The following CABIN1 variants were observed in gnomAD, a reference collection of about 807,000 sequenced individuals.
CABIN1 encodes calcineurin-binding protein cabin-1.
A neutral mutation model predicts 227.7 loss-of-function variants in CABIN1; 133 were observed. That is an observed-to-expected ratio of 0.58 (90% confidence interval 0.51 to 0.67). The LOEUF (loss-of-function observed/expected upper bound fraction) is 0.67. Ranked by LOEUF, CABIN1 falls within the 30% of genes least tolerant of loss-of-function variation. The pLI is 0.00. For synonymous variants in CABIN1, 1,086 were observed against 1,155.1 expected (o/e 0.94, Z 1.21); for missense variants, 2,408 against 2,852.5 (o/e 0.84, Z 3.55).
At chr22:24,085,918 C>T (rs573243918) in intron 22 of CABIN1, among the ~76,000 whole-genome samples, 2 of 152,160 alleles carry the variant, frequency 1.3e-5, no homozygotes, top group Non-Finnish European at 2.9e-5. Context: ...ACTCAGAGGC[C>T]AGGCTGTGAT....
At chr22:24,128,307 G>A (rs2043862155) in intron 28 of CABIN1, among the ~76,000 whole-genome samples, 2 of 131,122 alleles carry the variant, frequency 1.5e-5, no homozygotes, top group South Asian at 2.9e-4. Flanking sequence ...GGGGCGGGGG[G>A]AGGGTGGGCA....
chr22:24,137,434 G>T (rs1047864943), intron 29 of CABIN1, among the ~76,000 whole-genome samples: 1 of 152,204 alleles, frequency 6.6e-6, no homozygotes, highest in Non-Finnish European at 1.5e-5. Flanking sequence ...GAGGTTGTGT[G>T]CCTGTGGGAG....
At chr22:24,017,618 A>C (rs1185777341) in intron 1 of CABIN1, among the ~76,000 whole-genome samples, 4 of 152,154 alleles carry the variant, frequency 2.6e-5, no homozygotes, top group Non-Finnish European at 4.4e-5. Context: ...ACTTACTGTA[A>C]TGTCTTCAAG....
In CABIN1 at chr22:24,113,661, A is replaced by G. The variant is rs756266892; in HGVS notation, c.4213A>G (p.Lys1405Glu). ...CACCAGCTTACTGGAAGGCTCCAGG[A>G]AATCCTACACAGAGAAGAGGCTGCC... ...EPTSLLEGSR[K>E]SYTEKRLPIL... The change falls in exon 27 of 37, where the codon AAA becomes GAA. Residue 1405 changes from lysine (K) to glutamate (E), a missense_variant. Around this residue, in one of 3 missense-constraint regions of CABIN1, gnomAD observed 649 missense variants for 910.3 expected, o/e 0.71. Coordinates refer to ENST00000263119, the MANE Select transcript of CABIN1 (RefSeq NM_012295.4). 1.9e-6 allele frequency: 3 copies of G among 1,614,024 alleles called. No homozygotes were observed. The highest frequency in any genetic ancestry group is 2.7e-5 in the African/African-American group (2 of 74,912).
At chr22:24,015,083 G>A (rs1309789974) in intron 1 of CABIN1, among the ~76,000 whole-genome samples, 1 of 151,770 alleles carries the variant, frequency 6.6e-6, no homozygotes, top group Non-Finnish European at 1.5e-5. Context: ...GGCCAACATG[G>A]TGAAACCCCG....
rs192413216 is a variant in CABIN1 at position 24,153,723 on chromosome 22, G to A, written c.4747-10677G>A. On this transcript the variant is annotated intron_variant, in intron 29 of 36. Transcript: ENST00000263119. ...ATACAGGCACAGAGTGCAGGACATC[G>A]TGTGGTGCTGGGAGGGGGACCAAGG... Among the ~76,000 whole-genome samples, 23 of 152,162 alleles carry A rather than the reference G, an allele frequency of 1.5e-4. 1 individual carries two copies. Among genetic ancestry groups the A allele is most frequent in the Non-Finnish European group, 2.5e-4 (17 of 68,022 alleles).
intron 1 of CABIN1, among the ~76,000 whole-genome samples, chr22:24,030,876 T>C (rs2036444083): frequency 6.6e-6 from 1 of 152,198 alleles, no homozygotes; most frequent in Admixed American, 6.5e-5. Flanking sequence ...AGCTCTGCGA[T>C]TGGACTTGCA....
At chr22:24,069,598 A>G (rs1201993800) in intron 16 of CABIN1, among the ~76,000 whole-genome samples, 2 of 152,086 alleles carry the variant, frequency 1.3e-5, no homozygotes, top group Non-Finnish European at 2.9e-5. Context: ...TGGCTCTCAC[A>G]TGTTGGGTGT....
chr22:24,078,337 A>G (rs576649009), intron 19 of CABIN1, among the ~76,000 whole-genome samples: 1 of 152,308 alleles, frequency 6.6e-6, no homozygotes, highest in Admixed American at 6.5e-5. Flanking sequence ...ACATAAAGAC[A>G]TTCATTAATT....
Position 24,119,357 on chromosome 22 carries a change from T to C in CABIN1, c.4301-10T>C, listed in dbSNP as rs1385312984. 3.1e-6 allele frequency: 5 copies of C among 1,610,174 alleles called. No individual in the cohort carries two copies. Among genetic ancestry groups the C allele is most frequent in the Non-Finnish European group, 4.2e-6 (5 of 1,179,582 alleles). On this transcript the variant is annotated splice_polypyrimidine_tract_variant and intron_variant, in intron 27 of 36. Transcript: ENST00000263119. ...CAGGGTGACTTTCTTTCCCTTCTTC[T>C]CAACTGTAGGAAAAAACGAGGAGTC...
At position 24,011,322 on chromosome 22, in the gene CABIN1, C is replaced by G. The variant is rs1412983232; in HGVS notation, c.-120C>G. The stretch of plus-strand genomic sequence containing the variant: ...CCTTGTTGTCAGGCGCGCAGCCGGA[C>G]GGCGCGGTGGTCGGGACAGACTGGC... On this transcript the variant is annotated 5_prime_UTR_variant, in exon 1 of 37. Coordinates refer to ENST00000263119, the MANE Select transcript of CABIN1 (RefSeq NM_012295.4). 6.6e-6 allele frequency: 1 copy of G among 152,320 alleles called. No homozygotes were observed. The highest frequency in any genetic ancestry group is 6.5e-5 in the Admixed American group (1 of 15,292). 9.4% of individuals were successfully genotyped at this position (152,320 alleles called of 1,614,324 possible).
At chr22:24,020,672 GTTGT>G (rs1202079519) in intron 1 of CABIN1, among the ~76,000 whole-genome samples, 1 of 152,164 alleles carries the variant, frequency 6.6e-6, no homozygotes, top group Non-Finnish European at 1.5e-5. Flanking sequence ...TTATCTGGAA[GTTGT>G]TTATCAGGAG....
At chr22:24,160,499 G>A (rs1178425820) in intron 29 of CABIN1, 6 of 152,318 alleles carry the variant, frequency 3.9e-5, no homozygotes, top group African/African-American at 1.2e-4. Context: ...AATGGCCCAA[G>A]CAGTGACCCA....
At position 24,104,395 on chromosome 22, in the gene CABIN1, A is replaced by G. The variant is rs148276324; in HGVS notation, c.4117+6203A>G. 9.7e-4 allele frequency among the ~76,000 whole-genome samples: 147 copies of G among 152,266 alleles called. 1 individual carries two copies. Among genetic ancestry groups the G allele is most frequent in the African/African-American group, 3.3e-3 (139 of 41,570 alleles). The stretch of plus-strand genomic sequence containing the variant: ...CTTTCCTGGCTCAGAGGGCAGGATG[A>G]GAGATGCATGATGAGGCCTCCGAGC... On this transcript the variant is annotated intron_variant, in intron 26 of 36. Coordinates refer to ENST00000263119, the MANE Select transcript of CABIN1 (RefSeq NM_012295.4).
intron 26 of CABIN1, chr22:24,102,507 C>T (rs2042262515): frequency 1.3e-5 from 2 of 152,244 alleles, no homozygotes; most frequent in African/African-American, 2.4e-5. Context: ...CAGCACTGGT[C>T]CCTGCTGTAG....
intron 8 of CABIN1, 113 bp from the exon 9 acceptor site, chr22:24,054,760 T>A: frequency 7.6e-7 from 1 of 1,312,936 alleles, no homozygotes; most frequent in South Asian, 1.2e-5. Flanking sequence ...CCCATGGACA[T>A]GGCAGCTCCA....
intron 1 of CABIN1, among the ~76,000 whole-genome samples, chr22:24,014,598 G>C (rs6004039): frequency 3.3e-5 from 5 of 152,096 alleles, no homozygotes; most frequent in Non-Finnish European, 5.9e-5. Context: ...ATGCCTTTCA[G>C]AGTGGTTATG....
rs201870666 is a variant in CABIN1 at position 24,083,280 on chromosome 22, C to T, written c.2801C>T (p.Pro934Leu). ...LAASTSEDTH[P>L]YKEELETALE... Reference sequence around the variant, plus strand: ...GCATCCACCTCTGAAGACACGCACCCTTACAAGGAGGAGCTGGAGACAGCC... The same window carrying T: ...GCATCCACCTCTGAAGACACGCACCTTTACAAGGAGGAGCTGGAGACAGCC... Residue 934 changes from proline (P) to leucine (L), a missense_variant, in exon 20 of 37, where the codon CCT (proline) becomes CTT (leucine). This residue lies in a region of CABIN1 where 1,045 missense variants were observed against 1,168.4 expected (regional missense o/e 0.89). Transcript: ENST00000263119. The T allele has an allele frequency of 1.7e-5, 28 of 1,613,268 alleles. 1 individual carries two copies. The Admixed American group carries it at 4.2e-4, about 24-fold the overall frequency.
At chr22:24,019,650 CTTT>C (rs34361694) in intron 1 of CABIN1, among the ~76,000 whole-genome samples, 8 of 87,020 alleles carry the variant, frequency 9.2e-5, no homozygotes, top group African/African-American at 2.1e-4. Flanking sequence ...TTTCTTTACC[CTTT>C]TTTTTTTTTT....
Sources: allele counts gnomAD v4.1 joint callset (sites outside exome capture counted in the v4.1 genomes callset), GRCh38; gene constraint gnomAD v4.1.1; regional missense constraint gnomAD v4.1.1; transcripts MANE v1.5; gene names NCBI Gene and HGNC (gene_info 2026-07-23, HGNC 2026-07-21).